Variants in COMMD10 observed in about 807,000 individuals in gnomAD.
COMMD10 encodes the protein COMM domain containing 10, also known as COMM domain-containing protein 10.
A neutral mutation model predicts 28.9 loss-of-function variants in COMMD10; 33 were observed. The ratio of observed to expected loss-of-function variants is 1.14; its 90% CI spans 0.87 to 1.53. The LOEUF (loss-of-function observed/expected upper bound fraction) is 1.53, where lower values mean the gene tolerates loss of function less well. Ranked by LOEUF, COMMD10 falls within the 40% of genes most tolerant of loss-of-function variation. The pLI, the probability that COMMD10 is intolerant of heterozygous loss-of-function variation, is 0.00. For missense variants in COMMD10, 310 were observed against 233.4 expected (o/e 1.33, Z -2.14); for synonymous variants, 110 against 81.7 (o/e 1.35, Z -1.87).
intron 5 of COMMD10, among the ~76,000 whole-genome samples, chr5:116,214,305 C>G (rs1236368197): frequency 8.4e-6 from 1 of 119,438 alleles, no homozygotes; most frequent in Non-Finnish European, 1.7e-5. Context: ...AGTATCCACT[C>G]TCATGAAATT....
intron 5 of COMMD10, among the ~76,000 whole-genome samples, chr5:116,248,133 CAA>C (rs35046766): frequency 3.5e-4 from 51 of 145,324 alleles, no homozygotes; most frequent in African/African-American, 7.0e-4. Context: ...TGTGCTAAGC[CAA>C]AAAAAAAAAA....
At position 116,175,539 on chromosome 5, in the gene COMMD10, A is replaced by G. The variant is rs528394777; in HGVS notation, c.510+41361A>G. 4.6e-5 allele frequency among the ~76,000 whole-genome samples: 7 copies of G among 152,316 alleles called. No individual in the cohort carries two copies. The South Asian group carries it at 8.3e-4, about 18-fold the overall frequency. Reference sequence around the variant, plus strand: ...ATTGCTACTTCTGAGTGTATATTCAAAAGAATAGCAAGGACTCAGATATTT... The same window carrying G: ...ATTGCTACTTCTGAGTGTATATTCAGAAGAATAGCAAGGACTCAGATATTT... On this transcript the variant is annotated intron_variant, in intron 5 of 6. Coordinates refer to ENST00000274458, the MANE Select transcript of COMMD10 (RefSeq NM_016144.4).
intron 5 of COMMD10, among the ~76,000 whole-genome samples, chr5:116,212,744 C>T (rs1749001357): frequency 6.6e-6 from 1 of 151,988 alleles, no homozygotes. Context: ...TTTGCTTCAA[C>T]TTAATAGTGG....
chr5:116,180,930 A>G (rs920812319), intron 5 of COMMD10, among the ~76,000 whole-genome samples: 11 of 152,116 alleles, frequency 7.2e-5, no homozygotes, highest in Non-Finnish European at 1.5e-4. Flanking sequence ...AGGCGGGCAG[A>G]TTGCCTGAGC....
intron 4 of COMMD10, among the ~76,000 whole-genome samples, chr5:116,124,704 A>G (rs1270001339): frequency 6.6e-6 from 1 of 152,162 alleles, no homozygotes; most frequent in Non-Finnish European, 1.5e-5. Flanking sequence ...ATGGGAGTCT[A>G]AGTCTCTTTG....
At chr5:116,120,516 T>A (rs903824316) in intron 4 of COMMD10, among the ~76,000 whole-genome samples, 57 of 152,132 alleles carry the variant, frequency 3.7e-4, no homozygotes, top group Admixed American at 1.6e-3. Context: ...TTAAAAAAAA[T>A]TTTTTTTAAA....
chr5:116,161,733 C>G (rs1408777322), intron 5 of COMMD10, among the ~76,000 whole-genome samples: 1 of 152,082 alleles, frequency 6.6e-6, no homozygotes, highest in Non-Finnish European at 1.5e-5. Context: ...TCATCATCTT[C>G]ATGTTGAATA....
intron 4 of COMMD10, among the ~76,000 whole-genome samples, chr5:116,109,714 T>G (rs1750977136): frequency 6.6e-6 from 1 of 152,246 alleles, no homozygotes; most frequent in Non-Finnish European, 1.5e-5. Flanking sequence ...TGCTACTGAT[T>G]TTTCATGTTG....
chr5:116,226,487 C>T (rs1388531260), intron 5 of COMMD10, among the ~76,000 whole-genome samples: 4 of 146,284 alleles, frequency 2.7e-5, no homozygotes, highest in Non-Finnish European at 6.0e-5. Context: ...CTGTTAATTA[C>T]ATGTGTGTCT....
At chr5:116,228,555 T>G (rs976937382) in intron 5 of COMMD10, among the ~76,000 whole-genome samples, 10 of 152,068 alleles carry the variant, frequency 6.6e-5, no homozygotes, top group African/African-American at 2.2e-4. Context: ...CAAAGAACCT[T>G]TAATAGACCG....
At chr5:116,153,154 A>G (rs181485536) in intron 5 of COMMD10, among the ~76,000 whole-genome samples, 5 of 152,246 alleles carry the variant, frequency 3.3e-5, no homozygotes, top group Admixed American at 3.3e-4. Context: ...AAAAGTGATA[A>G]TCTTTGGAGA....
At chr5:116,162,005 A>G (rs972468231) in intron 5 of COMMD10, among the ~76,000 whole-genome samples, 19 of 152,128 alleles carry the variant, frequency 1.2e-4, no homozygotes, top group African/African-American at 4.1e-4. Flanking sequence ...TGATGGTCCA[A>G]TTTTCATCCC....
intron 5 of COMMD10, among the ~76,000 whole-genome samples, chr5:116,227,037 C>T (rs868178981): frequency 1.3e-5 from 2 of 152,144 alleles, no homozygotes; most frequent in Middle Eastern, 3.4e-3. Context: ...TTATCTGATT[C>T]ACTCTCCCCC....
intron 5 of COMMD10, among the ~76,000 whole-genome samples, chr5:116,172,316 T>C (rs1241602501): frequency 6.6e-6 from 1 of 152,086 alleles, no homozygotes; most frequent in Non-Finnish European, 1.5e-5. Flanking sequence ...CAGGGATAAA[T>C]AGGAGGGAAG....
chr5:116,162,714 G>T (rs1752956347), intron 5 of COMMD10, among the ~76,000 whole-genome samples: 3 of 152,142 alleles, frequency 2.0e-5, no homozygotes, highest in Admixed American at 2.0e-4. Context: ...GGGACAGTTT[G>T]TATACTGTTT....
intron 5 of COMMD10, among the ~76,000 whole-genome samples, chr5:116,210,944 AC>A (rs1326704487): frequency 1.3e-5 from 2 of 152,134 alleles, no homozygotes; most frequent in African/African-American, 4.8e-5. Flanking sequence ...ATACATAGTT[AC>A]AAGAACATTT....
rs1476965940 is a variant in COMMD10 at position 116,267,694 on chromosome 5, G to A, written c.511-23823G>A. 4.0e-5 allele frequency among the ~76,000 whole-genome samples: 6 copies of A among 151,700 alleles called. 1 individual carries two copies. Among genetic ancestry groups the A allele is most frequent in the African/African-American group, 1.2e-4 (5 of 41,124 alleles). ...GGAGGCATCACATTACCTGACTTCAGACTATACTACAAGGCTACAGTAACC... is the reference window on the plus strand; with the variant it reads ...GGAGGCATCACATTACCTGACTTCAAACTATACTACAAGGCTACAGTAACC... On this transcript the variant is annotated intron_variant, in intron 5 of 6. Coordinates refer to ENST00000274458, the MANE Select transcript of COMMD10 (RefSeq NM_016144.4).
At position 116,258,234 on chromosome 5, in the gene COMMD10, A is replaced by C. The variant is rs986209923; in HGVS notation, c.511-33283A>C. Among the ~76,000 whole-genome samples the C allele has an allele frequency of 4.6e-5, 7 of 151,738 alleles. 1 individual carries two copies. The highest frequency in any genetic ancestry group is 1.7e-4 in the African/African-American group (7 of 41,154). The stretch of plus-strand genomic sequence containing the variant: ...CCGAATTTCAATACTCTTTTCTAAC[A>C]ATGTCTTAGAATTTTGTAGTATATC... On this transcript the variant is annotated intron_variant, in intron 5 of 6. Coordinates refer to ENST00000274458, the MANE Select transcript of COMMD10 (RefSeq NM_016144.4).
At chr5:116,145,379 G>A (rs1351340330) in intron 5 of COMMD10, among the ~76,000 whole-genome samples, 1 of 151,772 alleles carries the variant, frequency 6.6e-6, no homozygotes, top group African/African-American at 2.4e-5. Flanking sequence ...GGATAATTGG[G>A]TTTAATCATG....
Sources: gnomAD v4.1 joint callset for allele counts (sites outside exome capture counted in the v4.1 genomes callset) on GRCh38, gnomAD v4.1.1 for gene constraint, MANE v1.5 for transcripts, NCBI Gene and HGNC (gene_info 2026-07-23, HGNC 2026-07-21) for gene names.